Variants in PCDHA4 observed in about 807,000 individuals in gnomAD.
The protein encoded by PCDHA4 is protocadherin alpha 4.
A neutral mutation model predicts 61.4 loss-of-function variants in PCDHA4; 49 were observed. The observed-to-expected ratio is 0.80, with a 90% CI of 0.63 to 1.01. The LOEUF (loss-of-function observed/expected upper bound fraction) is 1.01. PCDHA4 is among the 50% of genes least tolerant of loss of function. The pLI, the probability that PCDHA4 is intolerant of heterozygous loss-of-function variation, is 0.00. For synonymous variants in PCDHA4, 590 were observed against 550.3 expected (o/e 1.07, Z -1.01); for missense variants, 1,254 against 1,235.8 (o/e 1.01, Z -0.22).
At chr5:140,870,992 T>G (rs782714479) in intron 1 of PCDHA4, 3 of 1,613,478 alleles carry the variant, frequency 1.9e-6, no homozygotes, top group Non-Finnish European at 2.5e-6. Flanking sequence ...ACGGGCGAGA[T>G]AAGCACAACG....
chr5:140,850,318 C>T lies in PCDHA4; in HGVS notation c.2385+40746C>T, dbSNP rs1306863704. On this transcript the variant is annotated intron_variant, in intron 1 of 3. Transcript: ENST00000530339. ...GACTCGGGCTACAACGCGTGGCTTT[C>T]ATACGAGCTGCAGCCAGAAACGGCC... The T allele has an allele frequency of 4.4e-6, 7 of 1,597,384 alleles. 1 individual carries two copies. In the African/African-American group the frequency reaches 5.4e-5, roughly 12 times the overall value.
chr5:140,836,378 G>A, intron 1 of PCDHA4: 2 of 1,613,750 alleles, frequency 1.2e-6, no homozygotes, highest in Non-Finnish European at 1.7e-6. Context: ...CAGCCACCGT[G>A]CTGGTGTCGC....
At chr5:140,964,584 A>G (rs1347418719) in intron 1 of PCDHA4, among the ~76,000 whole-genome samples, 2 of 152,132 alleles carry the variant, frequency 1.3e-5, no homozygotes, top group African/African-American at 4.8e-5. Context: ...GGGAGGAAAG[A>G]TCACTTTTCA....
At position 140,856,560 on chromosome 5, in the gene PCDHA4, T is replaced by G. The variant is rs782375648; in HGVS notation, c.2385+46988T>G. 94 of 1,597,798 alleles carry G rather than the reference T, an allele frequency of 5.9e-5. 1 individual carries two copies. ...GAGAACGCATTGCTTACTTACAAAC[T>G]CAGTCCAAATGAGTATTTTGTTCTT... On this transcript the variant is annotated intron_variant, in intron 1 of 3. Transcript: ENST00000530339.
intron 1 of PCDHA4, among the ~76,000 whole-genome samples, chr5:140,838,114 GT>G (rs1730609309): frequency 6.7e-6 from 1 of 149,566 alleles, no homozygotes; most frequent in Non-Finnish European, 1.5e-5. Context: ...GTGTGTGTGT[GT>G]GTGTGTGTGT....
chr5:140,880,646 C>A (rs782457852), intron 1 of PCDHA4, among the ~76,000 whole-genome samples: 1 of 152,060 alleles, frequency 6.6e-6, no homozygotes, highest in Non-Finnish European at 1.5e-5. Context: ...ACTTGAGAGC[C>A]CAACTGAGGT....
chr5:140,969,260 C>T (rs782595245), intron 1 of PCDHA4: 11 of 1,614,110 alleles, frequency 6.8e-6, no homozygotes, highest in Non-Finnish European at 6.8e-6. Flanking sequence ...CAGCAGGAAT[C>T]TCACAGGCCA....
chr5:140,824,618 T>TTTTTTTTTG (rs1562279613), intron 1 of PCDHA4: 3 of 128,814 alleles, frequency 2.3e-5, no homozygotes, highest in African/African-American at 7.0e-5. Context: ...AAGTTTTTTT[T>TTTTTTTTTG]TTTTTTTTTT....
chr5:140,861,445 G>A (rs1196401790), intron 1 of PCDHA4: 1 of 494,332 alleles, frequency 2.0e-6, no homozygotes, highest in Admixed American at 2.1e-5. Context: ...AAAAGCCGCA[G>A]AAACCTTCTG....
chr5:140,885,049 A>T (rs1001120267), intron 1 of PCDHA4, among the ~76,000 whole-genome samples: 56 of 152,352 alleles, frequency 3.7e-4, no homozygotes, highest in African/African-American at 1.2e-3. Context: ...TTTAATGTAT[A>T]CATATACCCA....
At chr5:140,908,078 A>G (rs1047293736) in intron 1 of PCDHA4, among the ~76,000 whole-genome samples, 2 of 152,202 alleles carry the variant, frequency 1.3e-5, no homozygotes, top group Admixed American at 6.5e-5. Context: ...AAAGTGCACA[A>G]CCAGGTGCAC....
chr5:140,857,681 G>C lies in PCDHA4; in HGVS notation c.2385+48109G>C, dbSNP rs2044790199. 3 of 1,596,838 alleles carry C rather than the reference G, an allele frequency of 1.9e-6. No individual in the cohort carries two copies. In the African/African-American group the frequency reaches 4.0e-5, roughly 22 times the overall value. The stretch of plus-strand genomic sequence containing the variant: ...GCGCGATGGGGGCGTGCCGCCTCTG[G>C]GCAGCAACTTGACGCTGCAGGTGTT... On this transcript the variant is annotated intron_variant, in intron 1 of 3. Transcript: ENST00000530339.
At chr5:140,886,515 G>C (rs1554182564) in intron 1 of PCDHA4, among the ~76,000 whole-genome samples, 1 of 151,972 alleles carries the variant, frequency 6.6e-6, no homozygotes, top group East Asian at 1.9e-4. Context: ...TGGATTTTAA[G>C]GTCTGCATAT....
At chr5:140,835,975 T>C (rs2150249411) in intron 1 of PCDHA4, 4 of 1,613,318 alleles carry the variant, frequency 2.5e-6, no homozygotes, top group Non-Finnish European at 3.4e-6. Context: ...CTGGAGCTGT[T>C]GCAGTTCCAG....
intron 1 of PCDHA4, chr5:140,814,751 A>G (rs1302153623): frequency 2.6e-5 from 4 of 152,130 alleles, no homozygotes; most frequent in Non-Finnish European, 5.9e-5. Context: ...TTATGGGACT[A>G]CTCTTGTACA....
Position 140,877,016 on chromosome 5 carries a change from G to T in PCDHA4, c.2385+67444G>T, listed in dbSNP as rs781790454. The T allele has an allele frequency of 4.7e-5, 76 of 1,612,480 alleles. No individual in the cohort carries two copies. The highest frequency in any genetic ancestry group is 4.0e-4 in the Middle Eastern group (2 of 5,052). The stretch of plus-strand genomic sequence containing the variant: ...TACGTGTCGGTGCACGCGGAGAGCG[G>T]CAAGGTGTACGCGCTGCAGCCGCTA... On this transcript the variant is annotated intron_variant, in intron 1 of 3. Coordinates refer to ENST00000530339, the MANE Select transcript of PCDHA4 (RefSeq NM_018907.4).
intron 1 of PCDHA4, among the ~76,000 whole-genome samples, chr5:140,880,631 A>T (rs1048791670): frequency 6.6e-6 from 1 of 152,206 alleles, no homozygotes; most frequent in Non-Finnish European, 1.5e-5. Context: ...GTTAATTATC[A>T]ATTCACTTGA....
Position 140,851,565 on chromosome 5 carries a change from G to A in PCDHA4, c.2385+41993G>A, listed in dbSNP as rs558874725. 1.9e-4 allele frequency: 177 copies of A among 908,116 alleles called. 7 individuals carry two copies. The African/African-American group carries it at 3.0e-3, about 15-fold the overall frequency. The allele number at this position is 908,116 out of a possible 1,614,324, so 56.3% of individuals were successfully genotyped here. ...TTCAAGAAATGTTGACTGAAATTTT[G>A]TCTACACTTAGAACATTTTTTGAAA... On this transcript the variant is annotated intron_variant, in intron 1 of 3. Coordinates refer to ENST00000530339, the MANE Select transcript of PCDHA4 (RefSeq NM_018907.4).
intron 1 of PCDHA4, chr5:140,852,259 C>G: frequency 2.0e-6 from 1 of 509,052 alleles, no homozygotes; most frequent in Non-Finnish European, 2.6e-6. Flanking sequence ...TTGGAATATG[C>G]TACAATATTA....
Sources: gnomAD v4.1 joint callset for allele counts (sites outside exome capture counted in the v4.1 genomes callset) on GRCh38, gnomAD v4.1.1 for gene constraint, MANE v1.5 for transcripts, NCBI Gene and HGNC (gene_info 2026-07-23, HGNC 2026-07-21) for gene names.